The following SLC25A48 variants were observed in gnomAD, a reference collection of about 807,000 sequenced individuals.
The protein encoded by SLC25A48 is CTC-321K16.1.
SLC25A48 carries 29 observed loss-of-function variants against 32.2 expected under a neutral mutation model. The observed-to-expected ratio is 0.90, with a 90% CI of 0.67 to 1.23. The LOEUF (loss-of-function observed/expected upper bound fraction) is 1.23, where lower values mean the gene tolerates loss of function less well. Among genes scored for constraint, SLC25A48 ranks in the 50% most tolerant of loss-of-function variants. The probability of loss-of-function intolerance (pLI) is 0.00; values close to 1 mark genes in which losing one functional copy is unlikely to be tolerated. For missense variants in SLC25A48, 399 were observed against 422.7 expected, an observed-to-expected ratio of 0.94 and a Z score of 0.49; for synonymous variants, 164 against 172.3, an observed-to-expected ratio of 0.95 and a Z score of 0.38.
At chr5:135,623,494 T>G (rs2126900605) in intron 1 of SLC25A48, among the ~76,000 whole-genome samples, 1 of 152,298 alleles carries the variant, frequency 6.6e-6, no homozygotes, top group Non-Finnish European at 1.5e-5. Flanking sequence ...AGTGGAAGGC[T>G]CAGGGGTGTT....
intron 3 of SLC25A48, among the ~76,000 whole-genome samples, chr5:135,766,326 C>A (rs539579593): frequency 6.2e-5 from 9 of 144,332 alleles, no homozygotes; most frequent in African/African-American, 2.3e-4. Flanking sequence ...GTGGTGTACA[C>A]CCCCCTGTAA....
Position 135,807,263 on chromosome 5 carries a change from ACT to A in SLC25A48, c.-520-5257_-520-5256del, listed in dbSNP as rs147710124. Among the ~76,000 whole-genome samples, 1,209 of 150,762 alleles carry A rather than the reference ACT, an allele frequency of 8.0e-3. 26 individuals carry two copies. The highest frequency in any genetic ancestry group is 0.038 in the East Asian group (189 of 5,028). On this transcript the variant is annotated intron_variant, in intron 3 of 10. Coordinates refer to the SLC25A48 transcript ENST00000646290. Reference sequence around the variant, plus strand: ...TTCATGAATGTCATAGTATGTTAACACTCTGTGTTAACTCTGGATATAGTAAT... The same window carrying A: ...TTCATGAATGTCATAGTATGTTAACACTGTGTTAACTCTGGATATAGTAAT...
intron 7 of SLC25A48, among the ~76,000 whole-genome samples, chr5:135,883,757 G>T (rs151210906): frequency 1.3e-5 from 2 of 152,200 alleles, no homozygotes; most frequent in Non-Finnish European, 2.9e-5. Context: ...CCCTGGGCTT[G>T]GTTGGGGTGG....
At chr5:135,763,281 G>A (rs939893569) in intron 3 of SLC25A48, among the ~76,000 whole-genome samples, 22 of 152,076 alleles carry the variant, frequency 1.4e-4, no homozygotes, top group African/African-American at 5.3e-4. Flanking sequence ...CTTCCTAAGG[G>A]CCTGGCATAC....
rs372923440 is a variant in SLC25A48 at position 135,748,088 on chromosome 5, A to C, written c.-520-64435A>C. Among the ~76,000 whole-genome samples the C allele has an allele frequency of 1.9e-3, 295 of 152,304 alleles. 3 individuals carry two copies. The highest frequency in any genetic ancestry group is 0.017 in the South Asian group (84 of 4,822). Reference sequence around the variant, plus strand: ...AAGAACAGAGTGATGGGCCATCAGCAAAGGCCTGGAGAGCAGAGAGGAAGT... The same window carrying C: ...AAGAACAGAGTGATGGGCCATCAGCCAAGGCCTGGAGAGCAGAGAGGAAGT... On this transcript the variant is annotated intron_variant, in intron 3 of 10. Coordinates refer to the SLC25A48 transcript ENST00000646290.
At chr5:135,827,105 A>G (rs1758079556) in intron 4 of SLC25A48, 1 of 152,172 alleles carries the variant, frequency 6.6e-6, no homozygotes, top group Non-Finnish European at 1.5e-5. Flanking sequence ...TTTTGAGAGT[A>G]TATGCTCATC....
In SLC25A48 at chr5:135,774,712, G is replaced by A. The variant is rs1484503058; in HGVS notation, c.-520-37811G>A. Among the ~76,000 whole-genome samples the A allele has an allele frequency of 2.0e-5, 3 of 150,618 alleles. No individual in the cohort carries two copies. In the East Asian group the frequency reaches 5.9e-4, roughly 30 times the overall value. ...TGTTCCCAATATAAGGGGGTAAGAGGATAATATTACTCCCAATACCACAGG... is the reference window on the plus strand; with the variant it reads ...TGTTCCCAATATAAGGGGGTAAGAGAATAATATTACTCCCAATACCACAGG... On this transcript the variant is annotated intron_variant, in intron 3 of 10. Coordinates refer to the SLC25A48 transcript ENST00000646290.
At chr5:135,591,710 T>G (rs1751532691) in intron 1 of SLC25A48, among the ~76,000 whole-genome samples, 1 of 152,216 alleles carries the variant, frequency 6.6e-6, no homozygotes, top group Admixed American at 6.5e-5. Context: ...GGTGAGTGAC[T>G]GTTCTGGCCC....
chr5:135,798,464 G>A (rs974113713), intron 3 of SLC25A48, among the ~76,000 whole-genome samples: 1 of 151,026 alleles, frequency 6.6e-6, no homozygotes, highest in African/African-American at 2.4e-5. Context: ...AATATCGCAG[G>A]TTGTGTACAT....
At chr5:135,784,499 G>A (rs2126625270) in intron 3 of SLC25A48, among the ~76,000 whole-genome samples, 1 of 117,244 alleles carries the variant, frequency 8.5e-6, no homozygotes, top group South Asian at 3.0e-4. Context: ...CATTCCCTGT[G>A]TGATATTGTC....
chr5:135,857,149 A>G (rs140537379), intron 4 of SLC25A48, among the ~76,000 whole-genome samples: 174 of 152,314 alleles, frequency 1.1e-3, no homozygotes, highest in African/African-American at 4.0e-3. Flanking sequence ...AAGGTCTGGG[A>G]CATTTGAAGG....
chr5:135,617,702 T>G (rs1752220968), intron 1 of SLC25A48, among the ~76,000 whole-genome samples: 1 of 152,030 alleles, frequency 6.6e-6, no homozygotes, highest in African/African-American at 2.4e-5. Context: ...CTTTAATTTC[T>G]TCCTTGACCC....
At chr5:135,854,575 C>T (rs145959627) in intron 4 of SLC25A48, among the ~76,000 whole-genome samples, 221 of 152,316 alleles carry the variant, frequency 1.5e-3, no homozygotes, top group African/African-American at 5.0e-3. Flanking sequence ...CACCTCTCTC[C>T]ACCTTCAGAG....
chr5:135,655,506 A>G (rs1038307271), intron 3 of SLC25A48, among the ~76,000 whole-genome samples: 4 of 151,988 alleles, frequency 2.6e-5, no homozygotes, highest in African/African-American at 4.8e-5. Flanking sequence ...GCTCCACTGG[A>G]TTGTATCTTC....
chr5:135,866,177 G>A (rs1761188659), intron 4 of SLC25A48, among the ~76,000 whole-genome samples: 1 of 152,204 alleles, frequency 6.6e-6, no homozygotes, highest in African/African-American at 2.4e-5. Flanking sequence ...AAATTATGCT[G>A]TGTTCCCTGT....
intron 3 of SLC25A48, among the ~76,000 whole-genome samples, chr5:135,740,028 A>G (rs753355007): frequency 1.3e-5 from 2 of 152,228 alleles, no homozygotes; most frequent in Admixed American, 6.5e-5. Flanking sequence ...AGCTTCAAAA[A>G]GCAAAGATTA....
intron 3 of SLC25A48, among the ~76,000 whole-genome samples, chr5:135,769,261 G>T (rs1012470452): frequency 3.6e-5 from 5 of 138,190 alleles, no homozygotes; most frequent in African/African-American, 1.1e-4. Context: ...TGCAATATTG[G>T]GGGGGGAGAA....
At chr5:135,811,324 G>T (rs78800826) in intron 3 of SLC25A48, among the ~76,000 whole-genome samples, 1 of 152,196 alleles carries the variant, frequency 6.6e-6, no homozygotes, top group Non-Finnish European at 1.5e-5. Flanking sequence ...GGCCCAGAAA[G>T]ACAAATATCT....
Position 135,852,713 on chromosome 5 carries a change from G to C in SLC25A48, c.313G>C (p.Asp105His). The C allele has an allele frequency of 6.2e-7, 1 of 1,614,164 alleles. No individual in the cohort carries two copies. The highest frequency in any genetic ancestry group is 8.5e-7 in the Non-Finnish European group (1 of 1,180,050). Reference sequence around the variant, plus strand: ...GGCCAGTCCTCCCCGCACGCTGTCAGACCTGCTCCTGGCCAGCATGGTGGC... The same window carrying C: ...GGCCAGTCCTCCCCGCACGCTGTCACACCTGCTCCTGGCCAGCATGGTGGC... ...PEASPPRTLSDLLLASMVAGV... is the reference protein window; with the variant it reads ...PEASPPRTLSHLLLASMVAGV... Residue 105 changes from aspartate (D) to histidine (H), a missense_variant, in exon 4 of 8, where the codon GAC (aspartate) becomes CAC (histidine). Physicochemically the swap from Asp to His is moderately conservative, Grantham distance 81. Transcript: ENST00000681962.
Sources: gnomAD v4.1 joint callset for allele counts (sites outside exome capture counted in the v4.1 genomes callset) on GRCh38, gnomAD v4.1.1 for gene constraint, MANE v1.5 for transcripts, NCBI Gene and HGNC (gene_info 2026-07-23, HGNC 2026-07-21) for gene names.